The following WDPCP variants were observed in gnomAD, a reference collection of about 807,000 sequenced individuals.
WDPCP encodes WD repeat containing planar cell polarity effector.
Under a neutral mutation model 93.1 loss-of-function variants are expected in WDPCP, and 71 were observed. The ratio of observed to expected loss-of-function variants is 0.76; its 90% CI spans 0.63 to 0.93. The LOEUF is 0.93. Among genes scored for constraint, WDPCP ranks in the 40% least tolerant of loss-of-function variants. The pLI, the probability that WDPCP is intolerant of heterozygous loss-of-function variation, is 0.00. For synonymous variants in WDPCP, 315 were observed against 315.0 expected, an observed-to-expected ratio of 1.00 and a Z score of 0.00; for missense variants, 844 against 887.4, an observed-to-expected ratio of 0.95 and a Z score of 0.62.
chr2:63,826,599 G>A (rs529308815), intron 1 of WDPCP, among the ~76,000 whole-genome samples: 15 of 152,142 alleles, frequency 9.9e-5, no homozygotes, highest in African/African-American at 3.4e-4. Flanking sequence ...TAGTTTAATT[G>A]AGAAGTATCC....
chr2:63,325,384 G>GA (rs1242406523), intron 12 of WDPCP, among the ~76,000 whole-genome samples: 1 of 152,188 alleles, frequency 6.6e-6, no homozygotes. Context: ...CTCTGGGCCA[G>GA]AAAAAAGCCC....
intron 10 of WDPCP, among the ~76,000 whole-genome samples, chr2:63,400,814 G>A (rs1055729295): frequency 6.6e-6 from 1 of 152,002 alleles, no homozygotes; most frequent in Non-Finnish European, 1.5e-5. Context: ...GGAAGAGAAA[G>A]AAGAGACACC....
At chr2:63,769,513 G>A (rs1263810967) in intron 2 of WDPCP, among the ~76,000 whole-genome samples, 1 of 151,894 alleles carries the variant, frequency 6.6e-6, no homozygotes, top group African/African-American at 2.4e-5. Context: ...ACCATATTCT[G>A]GACCATAGAA....
At chr2:63,258,982 A>G (rs974456937) in intron 14 of WDPCP, among the ~76,000 whole-genome samples, 2 of 152,180 alleles carry the variant, frequency 1.3e-5, no homozygotes, top group Admixed American at 6.6e-5. Context: ...AGGATTATAT[A>G]AATTTCTGTG....
intron 6 of WDPCP, among the ~76,000 whole-genome samples, chr2:63,458,257 G>T (rs553846367): frequency 6.9e-6 from 1 of 144,598 alleles, no homozygotes; most frequent in Admixed American, 6.9e-5. Context: ...AAAGGCATTC[G>T]AATTGGAAAA....
intron 17 of WDPCP, among the ~76,000 whole-genome samples, chr2:63,128,309 G>A (rs1218230258): frequency 6.6e-6 from 1 of 152,050 alleles, no homozygotes; most frequent in African/African-American, 2.4e-5. Flanking sequence ...ACTCAAACAT[G>A]TAGCCCCAAG....
intron 17 of WDPCP, among the ~76,000 whole-genome samples, chr2:63,123,721 A>C (rs1367212532): frequency 6.6e-6 from 1 of 152,040 alleles, no homozygotes; most frequent in Non-Finnish European, 1.5e-5. Flanking sequence ...GTAAAACATA[A>C]TCATTAAATA....
intron 14 of WDPCP, among the ~76,000 whole-genome samples, chr2:63,232,301 A>T (rs1338303691): frequency 6.6e-6 from 1 of 152,180 alleles, no homozygotes; most frequent in Non-Finnish European, 1.5e-5. Context: ...TATTCTTAAG[A>T]GTCCAGACTT....
chr2:63,720,869 T>C (rs1427083585), intron 2 of WDPCP, among the ~76,000 whole-genome samples: 1 of 152,030 alleles, frequency 6.6e-6, no homozygotes. Context: ...AAGAATGGAG[T>C]ATCTAAATTA....
At chr2:63,761,050 TA>T (rs1670048410) in intron 2 of WDPCP, among the ~76,000 whole-genome samples, 1 of 152,170 alleles carries the variant, frequency 6.6e-6, no homozygotes, top group African/African-American at 2.4e-5. Context: ...TGAACCATGT[TA>T]TGGCTTGAAC....
At chr2:63,574,090 T>A (rs552277483) in intron 1 of WDPCP, among the ~76,000 whole-genome samples, 1 of 152,356 alleles carries the variant, frequency 6.6e-6, no homozygotes, top group South Asian at 2.1e-4. Flanking sequence ...ACCCTGGTCC[T>A]GTGATCTTAC....
intron 3 of WDPCP, chr2:63,604,566 A>G (rs538962551): frequency 1.4e-5 from 10 of 729,078 alleles, no homozygotes; most frequent in Admixed American, 3.0e-5. Context: ...TTACAAGTCA[A>G]TATAACTCTT....
At chr2:63,787,923 C>T (rs1670492392) in intron 2 of WDPCP, among the ~76,000 whole-genome samples, 1 of 152,012 alleles carries the variant, frequency 6.6e-6, no homozygotes, top group Admixed American at 6.6e-5. Flanking sequence ...ATCTGTAATC[C>T]CAGCTACTTG....
intron 17 of WDPCP, among the ~76,000 whole-genome samples, chr2:63,152,272 CT>C (rs530922242): frequency 1.6e-3 from 218 of 140,088 alleles, no homozygotes; most frequent in South Asian, 5.9e-3. Flanking sequence ...CCTGGCTACT[CT>C]TTTTTTTTTT....
At chr2:63,716,958 C>G (rs527319177) in intron 2 of WDPCP, among the ~76,000 whole-genome samples, 41 of 152,284 alleles carry the variant, frequency 2.7e-4, no homozygotes, top group African/African-American at 8.4e-4. Context: ...CTAGGCTGCC[C>G]ACATTTGGAA....
intron 1 of WDPCP, among the ~76,000 whole-genome samples, chr2:63,525,512 A>G (rs2106190372): frequency 1.3e-5 from 2 of 152,286 alleles, no homozygotes; most frequent in Middle Eastern, 3.4e-3. Context: ...ATTAAAATAC[A>G]TTTTATGTAT....
intron 13 of WDPCP, among the ~76,000 whole-genome samples, chr2:63,295,793 C>CAAA (rs150657681): frequency 6.9e-6 from 1 of 143,950 alleles, no homozygotes; most frequent in Non-Finnish European, 1.5e-5. Context: ...ACAACAACAA[C>CAAA]AAAAAAGCCC....
intron 3 of WDPCP, among the ~76,000 whole-genome samples, chr2:63,633,135 C>T (rs142802237): frequency 2.2e-4 from 34 of 152,274 alleles, no homozygotes; most frequent in African/African-American, 8.2e-4. Flanking sequence ...AGCTGTCCTT[C>T]AGCAATGAAT....
intron 12 of WDPCP, among the ~76,000 whole-genome samples, chr2:63,330,849 G>C (rs114566036): frequency 0.01 from 1,411 of 136,900 alleles, 21 homozygotes; most frequent in African/African-American, 0.037. Context: ...GGATGCATAT[G>C]TTCACTGTTC....
Sources: allele counts gnomAD v4.1 joint callset (sites outside exome capture counted in the v4.1 genomes callset), GRCh38; gene constraint gnomAD v4.1.1; transcripts MANE v1.5; gene names NCBI Gene and HGNC (gene_info 2026-07-23, HGNC 2026-07-21).